Variants in VPS16 observed in about 807,000 individuals in gnomAD.
VPS16 encodes vacuolar protein sorting-associated protein 16 homolog.
In VPS16, 82 loss-of-function variants were observed where a neutral mutation model predicts 116.0. That is an observed-to-expected ratio of 0.71 (90% CI 0.59 to 0.85). The LOEUF (loss-of-function observed/expected upper bound fraction) is 0.85, where lower values mean the gene tolerates loss of function less well. Ranked by LOEUF, VPS16 falls within the 40% of genes least tolerant of loss-of-function variation. The pLI is 0.00. For synonymous variants in VPS16, 406 were observed against 420.7 expected, an observed-to-expected ratio of 0.96 and a Z score of 0.43; for missense variants, 928 against 1,090.6, an observed-to-expected ratio of 0.85 and a Z score of 2.10.
At chr20:2,854,329 G>C (rs2325972) in intron 1 of VPS16, among the ~76,000 whole-genome samples, 71,231 of 151,168 alleles carry the variant, frequency 0.47, 18,968 homozygotes, top group African/African-American at 0.72. Flanking sequence ...GCTGAGGTTG[G>C]AGCATCACTT....
At chr20:2,844,161 T>C (rs1414569609) in intron 1 of VPS16, among the ~76,000 whole-genome samples, 1 of 152,216 alleles carries the variant, frequency 6.6e-6, no homozygotes, top group African/African-American at 2.4e-5. Context: ...CAGGAAAATA[T>C]AAGAGCATGT....
chr20:2,860,638 G>A lies in VPS16; in HGVS notation c.514+45G>A, dbSNP rs372205172. The A allele has an allele frequency of 6.2e-7, 1 of 1,611,654 alleles. No individual in the cohort carries two copies. Among genetic ancestry groups the A allele is most frequent in the Admixed American group, 1.7e-5 (1 of 60,000 alleles). Reference sequence around the variant, plus strand: ...AGATAGCCAAGCAGTACCCACAGATGTGCCTCTAGCCTGTGAGACCCATAA... The same window carrying A: ...AGATAGCCAAGCAGTACCCACAGATATGCCTCTAGCCTGTGAGACCCATAA... On this transcript the variant is annotated intron_variant, in intron 5 of 23. Transcript: ENST00000380445. The surrounding 1 kb of genome is among the most constrained non-coding windows in gnomAD (Gnocchi z 6.1).
chr20:2,840,835 G>GGCCCCCCC lies in VPS16; in HGVS notation c.53+8_53+9insGCCCCCCC. On this transcript the variant is annotated intron_variant, in intron 1 of 23. Coordinates refer to ENST00000380445, the MANE Select transcript of VPS16 (RefSeq NM_022575.4). ...GGACTCTGCCTTTTACCGGTGAGCT[G>GGCCCCCCC]CCCCGCCCTCCCGCCCACGGCCTGG... 1 of 1,524,286 alleles carries GGCCCCCCC rather than the reference G, an allele frequency of 6.6e-7. No individual in the cohort carries two copies. The highest frequency in any genetic ancestry group is 8.9e-7 in the Non-Finnish European group (1 of 1,127,962). 94.4% of individuals were successfully genotyped at this position (1,524,286 alleles called of 1,614,324 possible). A position where few individuals can be genotyped will look rare whatever the true frequency, so the allele number is the denominator to read the frequency against.
At chr20:2,846,427 G>C (rs936111284) in intron 1 of VPS16, among the ~76,000 whole-genome samples, 3 of 152,174 alleles carry the variant, frequency 2.0e-5, no homozygotes, top group Middle Eastern at 3.4e-3. Flanking sequence ...TCTGTACTCC[G>C]CTTTTAATTA....
intron 1 of VPS16, among the ~76,000 whole-genome samples, chr20:2,857,910 C>T (rs947857409): frequency 3.3e-5 from 5 of 151,908 alleles, no homozygotes; most frequent in African/African-American, 1.2e-4. Context: ...AGGGTTTCAC[C>T]GTGTTGGCTA....
intron 1 of VPS16, among the ~76,000 whole-genome samples, chr20:2,850,964 T>C (rs978160943): frequency 4.9e-5 from 3 of 61,370 alleles, no homozygotes; most frequent in African/African-American, 4.1e-4. Flanking sequence ...AGTAAGACTG[T>C]CAAAAAAAAA....
At position 2,861,911 on chromosome 20, in the gene VPS16, A is replaced by G. The variant is rs1337789755; in HGVS notation, c.994+12A>G. On this transcript the variant is annotated intron_variant, in intron 10 of 23. Transcript: ENST00000380445. Reference sequence around the variant, plus strand: ...GCATGAGGTTCCAGGTGAGGCCTTCACAAGGGCACCACATAACCCAAGGTG... The same window carrying G: ...GCATGAGGTTCCAGGTGAGGCCTTCGCAAGGGCACCACATAACCCAAGGTG... The G allele has an allele frequency of 2.5e-6, 4 of 1,612,724 alleles. No individual in the cohort carries two copies. In the African/African-American group the frequency reaches 5.3e-5, roughly 21 times the overall value.
Position 2,840,835 on chromosome 20 carries a change from G to GGGCCCCCCCC in VPS16, c.53+8_53+9insGGCCCCCCCC. ...GGACTCTGCCTTTTACCGGTGAGCT[G>GGGCCCCCCCC]CCCCGCCCTCCCGCCCACGGCCTGG... On this transcript the variant is annotated intron_variant, in intron 1 of 23. Coordinates refer to ENST00000380445, the MANE Select transcript of VPS16 (RefSeq NM_022575.4). The GGGCCCCCCCC allele has an allele frequency of 6.6e-7, 1 of 1,524,338 alleles. No individual in the cohort carries two copies. The highest frequency in any genetic ancestry group is 8.9e-7 in the Non-Finnish European group (1 of 1,128,010). 94.4% of individuals were successfully genotyped at this position (1,524,338 alleles called of 1,614,324 possible). A position where few individuals can be genotyped will look rare whatever the true frequency, so the allele number is the denominator to read the frequency against.
chr20:2,846,209 C>G (rs920299110), intron 1 of VPS16, among the ~76,000 whole-genome samples: 5 of 150,524 alleles, frequency 3.3e-5, no homozygotes, highest in Admixed American at 2.7e-4. Flanking sequence ...ATCTGCCTCC[C>G]GGGTTCAAGT....
chr20:2,846,999 C>T (rs944611677), intron 1 of VPS16, among the ~76,000 whole-genome samples: 4 of 152,250 alleles, frequency 2.6e-5, no homozygotes, highest in South Asian at 2.1e-4. Flanking sequence ...AGTGTGTGGC[C>T]TCTCTTCACA....
In VPS16 at chr20:2,862,657, A is replaced by C. The variant is rs772158814; in HGVS notation, c.1150A>C (p.Ile384Leu). The C allele has an allele frequency of 6.3e-7, 1 of 1,579,202 alleles. No individual in the cohort carries two copies. The highest frequency in any genetic ancestry group is 1.8e-5 in the Admixed American group (1 of 57,136). The change falls in exon 12 of 24, where the codon ATT (isoleucine) becomes CTT (leucine). Residue 384 changes from isoleucine (I) to leucine (L), a missense_variant. By Grantham distance (5) the Ile-to-Leu change is conservative (BLOSUM62 2). Coordinates refer to ENST00000380445, the MANE Select transcript of VPS16 (RefSeq NM_022575.4). ...GCTGACCCAGGCCGTGCAGCAGTGC[A>C]TTGAGGCTGCAGGACATGAGCACCA... ...GQLTQAVQQC[I>L]EAAGHEHQPD...
At chr20:2,845,750 A>T (rs1305141455) in intron 1 of VPS16, among the ~76,000 whole-genome samples, 1 of 152,018 alleles carries the variant, frequency 6.6e-6, no homozygotes, top group Non-Finnish European at 1.5e-5. Context: ...GAAATTCTGT[A>T]CCCTCAAACA....
At chr20:2,853,853 A>G (rs2089145699) in intron 1 of VPS16, among the ~76,000 whole-genome samples, 2 of 151,938 alleles carry the variant, frequency 1.3e-5, no homozygotes, top group South Asian at 2.1e-4. Flanking sequence ...TTATATTTTT[A>G]GTAGAGACAG....
chr20:2,859,956 C>T, intron 2 of VPS16, 98 bp from the exon 3 acceptor site: 1 of 1,539,512 alleles, frequency 6.5e-7, no homozygotes, highest in Non-Finnish European at 8.9e-7. Context: ...TATAGGCCTG[C>T]TTCACATGGG....
intron 8 of VPS16, 91 bp from the exon 9 acceptor site, chr20:2,861,524 C>A: frequency 6.8e-7 from 1 of 1,466,030 alleles, no homozygotes; most frequent in Non-Finnish European, 9.2e-7. Flanking sequence ...CAAGTGTATA[C>A]AGGCTGTCCC....
chr20:2,862,153 C>A, intron 11 of VPS16, 23 bp downstream of exon 11: 1 of 1,608,350 alleles, frequency 6.2e-7, no homozygotes, highest in South Asian at 1.1e-5. Context: ...GCTTCTCTCC[C>A]AGTCCCAGAA....
intron 9 of VPS16, 43 bp from the exon 10 acceptor site, chr20:2,861,762 C>T (rs758902776): frequency 2.4e-5 from 39 of 1,611,248 alleles, no homozygotes; most frequent in South Asian, 1.8e-4. Context: ...TCACCTGCCC[C>T]GTCCCATCTG....
Position 2,842,891 on chromosome 20 carries a change from T to C in VPS16, c.53+2064T>C, listed in dbSNP as rs561265218. ...ATAGATAGATAGATGTATCTATCGA[T>C]AGATAGATAGATATATGTTATGGAT... On this transcript the variant is annotated intron_variant, in intron 1 of 23. Coordinates refer to ENST00000380445, the MANE Select transcript of VPS16 (RefSeq NM_022575.4). Among the ~76,000 whole-genome samples, 3 of 127,180 alleles carry C rather than the reference T, an allele frequency of 2.4e-5. No homozygotes were observed. The South Asian group carries it at 7.2e-4, about 31-fold the overall frequency. The allele number at this position is 127,180 out of a possible 152,430, so 83.4% of individuals were successfully genotyped here. A position where few individuals can be genotyped will look rare whatever the true frequency, so the allele number is the denominator to read the frequency against.
Position 2,851,537 on chromosome 20 carries a change from C to T in VPS16, c.54-8182C>T, listed in dbSNP as rs1599981965. Among the ~76,000 whole-genome samples, 14 of 152,078 alleles carry T rather than the reference C, an allele frequency of 9.2e-5. No individual in the cohort carries two copies. In the South Asian group the frequency reaches 2.9e-3, roughly 32 times the overall value. On this transcript the variant is annotated intron_variant, in intron 1 of 23. Transcript: ENST00000380445. ...ATTAGCTGGGCATGGTGGTGCGTGC[C>T]TGTAATCCCAGCTACTTGGGAGGCT...
Sources: gnomAD v4.1 joint callset for allele counts (sites outside exome capture counted in the v4.1 genomes callset) on GRCh38, gnomAD v4.1.1 for gene constraint, Gnocchi (gnomAD v3.1) non-coding constraint, MANE v1.5 for transcripts, NCBI Gene and HGNC (gene_info 2026-07-23, HGNC 2026-07-21) for gene names.